Variants in CAPN15 observed in about 807,000 individuals in gnomAD.
CAPN15 encodes the protein calpain 15.
In CAPN15, 53 loss-of-function variants were observed where a neutral mutation model predicts 97.9. The observed-to-expected ratio is 0.54, with a 90% CI of 0.43 to 0.68. The LOEUF is 0.68. CAPN15 is among the 30% of genes least tolerant of loss of function. CAPN15 has a pLI of 0.00. For synonymous variants in CAPN15, 922 were observed against 722.5 expected, an observed-to-expected ratio of 1.28 and a Z score of -4.43; for missense variants, 1,592 against 1,589.8, an observed-to-expected ratio of 1.00 and a Z score of -0.02.
At position 551,660 on chromosome 16, in the gene CAPN15, G is replaced by C. The variant is rs776708061; in HGVS notation, c.2341G>C (p.Val781Leu). The C allele has an allele frequency of 3.8e-6, 6 of 1,590,482 alleles. No homozygotes were observed. The highest frequency in any genetic ancestry group is 1.7e-5 in the Admixed American group (1 of 59,796). Reference sequence around the variant, plus strand: ...CTTCTGGATGGAGTACGGCGACTTTGTCAGGTATCGGCACCGTGGGGCGGT... The same window carrying C: ...CTTCTGGATGGAGTACGGCGACTTTCTCAGGTATCGGCACCGTGGGGCGGT... ...GVFWMEYGDF[V>L]RYFDSVDICK... The change falls in exon 9 of 14, where the codon GTC (valine) becomes CTC (leucine). Residue 781 changes from valine (V) to leucine (L), a missense_variant. Val to Leu is a conservative substitution (Grantham distance 32, BLOSUM62 1). Transcript: ENST00000219611.
chr16:537,668 G>C (rs114532559), intron 3 of CAPN15: 6 of 158,062 alleles, frequency 3.8e-5, no homozygotes, highest in African/African-American at 1.4e-4. Flanking sequence ...TGCCCAACCC[G>C]TCTCCCGTGA....
intron 1 of CAPN15, among the ~76,000 whole-genome samples, chr16:529,169 G>C (rs532269928): frequency 6.6e-6 from 1 of 152,128 alleles, no homozygotes; most frequent in East Asian, 1.9e-4. Flanking sequence ...CTGTGTCTGA[G>C]GCTCTCCAGA....
intron 1 of CAPN15, among the ~76,000 whole-genome samples, chr16:531,787 G>T (rs1306851061): frequency 6.6e-6 from 1 of 152,054 alleles, no homozygotes; most frequent in African/African-American, 2.4e-5. Context: ...CTTCTCTGGG[G>T]TGACAGGTGC....
Position 552,306 on chromosome 16 carries a change from C to G in CAPN15, c.2513C>G (p.Ser838Trp). The G allele has an allele frequency of 6.4e-7, 1 of 1,556,810 alleles. No individual in the cohort carries two copies. Among genetic ancestry groups the G allele is most frequent in the Non-Finnish European group, 8.7e-7 (1 of 1,155,888 alleles). ...FALFQEGSRRSDAVDSHLLDL... is the reference protein window; with the variant it reads ...FALFQEGSRRWDAVDSHLLDL... The stretch of plus-strand genomic sequence containing the variant: ...GCCCGTGGTGTCTGGCGCAGGCGCT[C>G]GGACGCCGTGGACAGCCACCTGCTG... Residue 838 changes from serine to tryptophan, a missense_variant, in exon 11 of 14, where the codon TCG (serine) becomes TGG (tryptophan). Ser to Trp is a radical substitution (Grantham distance 177). Coordinates refer to ENST00000219611, the MANE Select transcript of CAPN15 (RefSeq NM_005632.3). The surrounding 1 kb of genome is among the most constrained non-coding windows in gnomAD (Gnocchi z 6.4).
At chr16:540,029 A>G (rs2034003297) in intron 3 of CAPN15, 9 of 956,014 alleles carry the variant, frequency 9.4e-6, no homozygotes, top group Non-Finnish European at 1.1e-5. Flanking sequence ...TGTGTGAATC[A>G]TGCTGTTTCT....
At chr16:546,160 A>T (rs374255001) in intron 3 of CAPN15, among the ~76,000 whole-genome samples, 8 of 152,350 alleles carry the variant, frequency 5.3e-5, no homozygotes, top group African/African-American at 9.6e-5. Flanking sequence ...AGCATCACGG[A>T]GTTCGCTCGG....
chr16:551,995 G>A, intron 9 of CAPN15, 56 bp from the exon 10 acceptor site: 2 of 1,512,154 alleles, frequency 1.3e-6, no homozygotes, highest in Non-Finnish European at 1.8e-6. Flanking sequence ...TAGGCGCTGA[G>A]CCACGGAGGT....
chr16:542,879 C>T (rs910348779), intron 3 of CAPN15, among the ~76,000 whole-genome samples: 4 of 152,180 alleles, frequency 2.6e-5, no homozygotes, highest in Non-Finnish European at 4.4e-5. Context: ...CATGGTGAAA[C>T]CCCATCTCTA....
chr16:549,099 A>T lies in CAPN15; in HGVS notation c.1556A>T (p.Gln519Leu). ...QQRVRQWLRP[Q>L]EINCSVFRDH... ...CGTGTGAGGCAGTGGCTGCGACCCC[A>T]GGAGATCAACTGCTCCGTCTTCAGG... Residue 519 changes from glutamine to leucine, a missense_variant, in exon 5 of 14, where the codon CAG becomes CTG. Gln to Leu is a moderately radical substitution (Grantham distance 113). Transcript: ENST00000219611. 1 of 1,612,528 alleles carries T rather than the reference A, an allele frequency of 6.2e-7. No homozygotes were observed. Among genetic ancestry groups the T allele is most frequent in the Non-Finnish European group, 8.5e-7 (1 of 1,179,932 alleles).
chr16:552,126 C>T lies in CAPN15; in HGVS notation c.2421C>T (p.Ser807=). Residue 807 remains serine, a synonymous_variant, in exon 10 of 14, where the codon AGC becomes AGT. Coordinates refer to ENST00000219611, the MANE Select transcript of CAPN15 (RefSeq NM_005632.3). The surrounding 1 kb of genome is among the most constrained non-coding windows in gnomAD (Gnocchi z 6.4). ...CGCGGGTGCAGGGCTGCTTTCCCAG[C>T]TCGGCCAGCGCGCCCGTGGGGGTAA... ...QEARVQGCFP[S]SASAPVGVTA... 22 of 1,548,342 alleles carry T rather than the reference C, an allele frequency of 1.4e-5. No homozygotes were observed. The highest frequency in any genetic ancestry group is 1.7e-5 in the Non-Finnish European group (19 of 1,146,522).
At position 547,415 on chromosome 16, in the gene CAPN15, T is replaced by C; in HGVS notation, c.577T>C (p.Phe193Leu). The change falls in exon 4 of 14, where the codon TTC becomes CTC. Residue 193 changes from phenylalanine (F) to leucine (L), a missense_variant. Physicochemically the swap from Phe to Leu is conservative, Grantham distance 22 (BLOSUM62 0). Transcript: ENST00000219611. Reference protein sequence around the residue: ...VVPEVVAPAGFHVVPAAPPPG... With the variant: ...VVPEVVAPAGLHVVPAAPPPG... ...CCCGGAAGTGGTGGCCCCGGCCGGC[T>C]TCCACGTCGTGCCTGCCGCGCCTCC... 1 of 1,573,770 alleles carries C rather than the reference T, an allele frequency of 6.4e-7. No homozygotes were observed. The highest frequency in any genetic ancestry group is 8.6e-7 in the Non-Finnish European group (1 of 1,167,510).
At chr16:534,238 GTTT>G (rs2033532913) in intron 2 of CAPN15, among the ~76,000 whole-genome samples, 1 of 151,372 alleles carries the variant, frequency 6.6e-6, no homozygotes, top group African/African-American at 2.5e-5. Flanking sequence ...CGACAGGGGT[GTTT>G]GTCCCTTTGG....
At position 553,307 on chromosome 16, in the gene CAPN15, C is replaced by T. The variant is rs373759247; in HGVS notation, c.3084-32C>T. On this transcript the variant is annotated intron_variant, in intron 13 of 13. Transcript: ENST00000219611. ...GCCCTGCCCCCATCCCCACCCTGCCCTCCACAGGTCCTCACCGGTCCCCTC... is the reference window on the plus strand; with the variant it reads ...GCCCTGCCCCCATCCCCACCCTGCCTTCCACAGGTCCTCACCGGTCCCCTC... The T allele has an allele frequency of 3.2e-6, 5 of 1,560,754 alleles. No individual in the cohort carries two copies. In the African/African-American group the frequency reaches 5.5e-5, roughly 17 times the overall value.
At position 547,739 on chromosome 16, in the gene CAPN15, G is replaced by A. The variant is rs1170187884; in HGVS notation, c.901G>A (p.Glu301Lys). ...CAAGCGGCTGAGTGTGCTGGAGGAA[G>A]AGGCCACGGAGGGTGGCACCAGCCG... ...SGKRLSVLEEEATEGGTSRVE... is the reference protein window; with the variant it reads ...SGKRLSVLEEKATEGGTSRVE... The change falls in exon 4 of 14, where the codon GAG (glutamate) becomes AAG (lysine). Residue 301 changes from glutamate to lysine, a missense_variant. Around this residue, in one of 3 missense-constraint regions of CAPN15, gnomAD observed 883 missense variants for 776.6 expected, o/e 1.14. Transcript: ENST00000219611. The A allele has an allele frequency of 5.6e-6, 9 of 1,604,880 alleles. No homozygotes were observed. The highest frequency in any genetic ancestry group is 4.0e-5 in the African/African-American group (3 of 74,826).
In CAPN15 at chr16:548,127, A is replaced by C; in HGVS notation, c.1289A>C (p.Lys430Thr). The change falls in exon 4 of 14, where the codon AAG (lysine) becomes ACG (threonine). Residue 430 changes from lysine (K) to threonine (T), a missense_variant. Physicochemically the swap from Lys to Thr is moderately conservative, Grantham distance 78. This residue lies in a region of CAPN15 where 883 missense variants were observed against 776.6 expected (regional missense o/e 1.14). Transcript: ENST00000219611. ...ACCCTGCTCAACGCACTGCGGGCCAAGCACTGCGCCGCCTGCCACACGCCT... is the reference window on the plus strand; with the variant it reads ...ACCCTGCTCAACGCACTGCGGGCCACGCACTGCGCCGCCTGCCACACGCCT... The part of the protein sequence containing the change: ...ACTLLNALRA[K>T]HCAACHTPQL... The C allele has an allele frequency of 6.5e-7, 1 of 1,531,820 alleles. No homozygotes were observed. The highest frequency in any genetic ancestry group is 8.8e-7 in the Non-Finnish European group (1 of 1,140,476). The allele number at this position is 1,531,820 out of a possible 1,614,324, so 94.9% of individuals were successfully genotyped here. A position where few individuals can be genotyped will look rare whatever the true frequency, so the allele number is the denominator to read the frequency against.
chr16:550,736 CGGTG>C (rs2034949186), intron 7 of CAPN15, among the ~76,000 whole-genome samples: 1 of 124,436 alleles, frequency 8.0e-6, no homozygotes, highest in Non-Finnish European at 1.7e-5. Flanking sequence ...GGGTCCCCGT[CGGTG>C]AGGGTCCCGG....
intron 3 of CAPN15, chr16:543,240 G>T (rs2034276547): frequency 6.5e-6 from 1 of 154,796 alleles, no homozygotes. Context: ...CTCGGCCCCT[G>T]CTTTTTGAGC....
intron 1 of CAPN15, among the ~76,000 whole-genome samples, chr16:530,334 C>T (rs961645101): frequency 2.6e-5 from 4 of 152,226 alleles, no homozygotes; most frequent in African/African-American, 9.6e-5. Context: ...GTGCGCAGAG[C>T]AGGCGGTCAG....
At position 553,562 on chromosome 16, in the gene CAPN15, C is replaced by A. The variant is rs115215017; in HGVS notation, c.*46C>A. 1 of 1,253,148 alleles carries A rather than the reference C, an allele frequency of 8.0e-7. No homozygotes were observed. Among genetic ancestry groups the A allele is most frequent in the East Asian group, 2.5e-5 (1 of 40,630 alleles). 77.6% of individuals were successfully genotyped at this position (1,253,148 alleles called of 1,614,324 possible). On this transcript the variant is annotated 3_prime_UTR_variant, in exon 14 of 14. Coordinates refer to ENST00000219611, the MANE Select transcript of CAPN15 (RefSeq NM_005632.3). ...GCTGTGCACAGACGGACCCCCCACCCCCACACGCACTTTATGAGGGAGACC... is the reference window on the plus strand; with the variant it reads ...GCTGTGCACAGACGGACCCCCCACCACCACACGCACTTTATGAGGGAGACC...
Sources: gnomAD v4.1 joint callset for allele counts (sites outside exome capture counted in the v4.1 genomes callset) on GRCh38, gnomAD v4.1.1 for gene constraint, gnomAD v4.1.1 regional missense constraint, Gnocchi (gnomAD v3.1) non-coding constraint, MANE v1.5 for transcripts, NCBI Gene and HGNC (gene_info 2026-07-23, HGNC 2026-07-21) for gene names.